Variants in ATF7IP2 observed in about 807,000 individuals in gnomAD.
The protein encoded by ATF7IP2 is activating transcription factor 7 interacting protein 2.
Under a neutral mutation model 64.2 loss-of-function variants are expected in ATF7IP2, and 42 were observed. That is an observed-to-expected ratio of 0.65 (90% CI 0.51 to 0.85). The LOEUF is 0.85. ATF7IP2 is among the 40% of genes least tolerant of loss of function. The pLI is 0.00. For missense variants in ATF7IP2, 933 were observed against 784.2 expected (o/e 1.19, Z -2.27); for synonymous variants, 308 against 272.8 (o/e 1.13, Z -1.27).
chr16:10,458,788 C>A (rs2049268665), intron 9 of ATF7IP2, among the ~76,000 whole-genome samples: 1 of 152,130 alleles, frequency 6.6e-6, no homozygotes, highest in Non-Finnish European at 1.5e-5. Context: ...TGCTTTAAAC[C>A]ACAAAATAGA....
chr16:10,426,641 T>C (rs189616161), intron 3 of ATF7IP2, among the ~76,000 whole-genome samples: 4 of 152,214 alleles, frequency 2.6e-5, no homozygotes, highest in Non-Finnish European at 5.9e-5. Flanking sequence ...CTTACATCAG[T>C]GAAAGGCTTC....
intron 8 of ATF7IP2, among the ~76,000 whole-genome samples, chr16:10,443,505 A>G (rs73497859): frequency 0.014 from 2,154 of 152,356 alleles, 49 homozygotes; most frequent in African/African-American, 0.049. Flanking sequence ...AAGCGTAACA[A>G]CTGCTTTTGT....
chr16:10,398,026 TG>T (rs1186817402), intron 1 of ATF7IP2, among the ~76,000 whole-genome samples: 1 of 151,974 alleles, frequency 6.6e-6, no homozygotes, highest in African/African-American at 2.4e-5. Context: ...AAGATAAGAC[TG>T]GGCATGGTGG....
At chr16:10,438,356 C>T (rs1173119446) in intron 7 of ATF7IP2, 121 bp downstream of exon 7, 2 of 960,988 alleles carry the variant, frequency 2.1e-6, no homozygotes, top group East Asian at 5.9e-5. Context: ...GCAATCCTAC[C>T]ACCTCAGTCT....
chr16:10,447,548 G>A (rs1280047586), intron 8 of ATF7IP2: 1 of 152,146 alleles, frequency 6.6e-6, no homozygotes, highest in African/African-American at 2.4e-5. Flanking sequence ...ACAATCACAA[G>A]AGCACACCGA....
At chr16:10,389,198 T>C (rs56992806) in intron 1 of ATF7IP2, among the ~76,000 whole-genome samples, 2,825 of 152,240 alleles carry the variant, frequency 0.019, 78 homozygotes, top group African/African-American at 0.064. Flanking sequence ...GTTCAGTTGA[T>C]ATCTCCAGGA....
In ATF7IP2 at chr16:10,473,526, G is replaced by A. The variant is rs2049885107; in HGVS notation, c.1474G>A (p.Glu492Lys). 1.3e-6 allele frequency: 2 copies of A among 1,564,208 alleles called. No individual in the cohort carries two copies. Among genetic ancestry groups the A allele is most frequent in the South Asian group, 2.3e-5 (2 of 87,592 alleles). Reference protein sequence around the residue: ...SGNSSNSPNAEVMAVQKKLDS... With the variant: ...SGNSSNSPNAKVMAVQKKLDS... ...AAATTCTAGCAATTCTCCCAATGCT[G>A]AAGTTATGGTGAGTAATAAATATTG... Residue 492 changes from glutamate to lysine, a missense_variant, in exon 11 of 14, where the codon GAA becomes AAA. Coordinates refer to ENST00000562102, the MANE Select transcript of ATF7IP2 (RefSeq NM_001393719.1).
At chr16:10,429,455 A>T (rs1488133015) in intron 4 of ATF7IP2, among the ~76,000 whole-genome samples, 1 of 152,168 alleles carries the variant, frequency 6.6e-6, no homozygotes, top group Non-Finnish European at 1.5e-5. Context: ...AGTTCAAGTG[A>T]TTCGCTTGCC....
At chr16:10,397,600 G>T (rs2047444256) in intron 1 of ATF7IP2, among the ~76,000 whole-genome samples, 1 of 152,124 alleles carries the variant, frequency 6.6e-6, no homozygotes, top group South Asian at 2.1e-4. Flanking sequence ...AAATGGGCTG[G>T]GCGTGGTGGC....
intron 6 of ATF7IP2, among the ~76,000 whole-genome samples, chr16:10,436,903 C>CA (rs60707024): frequency 0.049 from 7,086 of 144,270 alleles, 542 homozygotes; most frequent in African/African-American, 0.17. Flanking sequence ...AGTCTGTTTT[C>CA]AAAAAAAAAA....
At chr16:10,398,837 G>A (rs2047471624) in intron 1 of ATF7IP2, among the ~76,000 whole-genome samples, 2 of 152,206 alleles carry the variant, frequency 1.3e-5, no homozygotes, top group Admixed American at 1.3e-4. Context: ...GATCTGGCCA[G>A]ATGTGGTGGC....
intron 1 of ATF7IP2, among the ~76,000 whole-genome samples, chr16:10,408,461 C>T (rs1246208446): frequency 1.3e-5 from 2 of 152,148 alleles, no homozygotes; most frequent in African/African-American, 2.4e-5. Context: ...CCACCAGCAG[C>T]ATAGAAGTGT....
chr16:10,429,924 C>T (rs1481234113), intron 4 of ATF7IP2, among the ~76,000 whole-genome samples: 1 of 151,238 alleles, frequency 6.6e-6, no homozygotes, highest in Non-Finnish European at 1.5e-5. Context: ...GCGATGTTGG[C>T]TCACTGCAAC....
chr16:10,450,297 T>A (rs571121781), intron 8 of ATF7IP2, among the ~76,000 whole-genome samples: 13 of 152,300 alleles, frequency 8.5e-5, no homozygotes, highest in African/African-American at 3.1e-4. Flanking sequence ...TTCTATTGAT[T>A]TGGGGTGGAG....
intron 1 of ATF7IP2, among the ~76,000 whole-genome samples, chr16:10,393,613 G>T (rs944357706): frequency 1.3e-5 from 2 of 152,142 alleles, no homozygotes; most frequent in African/African-American, 4.8e-5. Context: ...ACATGTTTAA[G>T]GTAGGCTTAG....
intron 2 of ATF7IP2, among the ~76,000 whole-genome samples, chr16:10,419,315 C>G (rs2047943208): frequency 6.6e-6 from 1 of 152,102 alleles, no homozygotes; most frequent in Admixed American, 6.6e-5. Flanking sequence ...AGAAATATTC[C>G]TAACAGTTCC....
intron 6 of ATF7IP2, among the ~76,000 whole-genome samples, chr16:10,435,108 C>T (rs1201362177): frequency 1.3e-5 from 2 of 152,190 alleles, no homozygotes; most frequent in Admixed American, 6.5e-5. Context: ...CTCTAAATAG[C>T]TAGCTTTTCC....
Position 10,482,365 on chromosome 16 carries a change from G to A in ATF7IP2, c.*116G>A. 6.8e-6 allele frequency: 5 copies of A among 732,774 alleles called. No homozygotes were observed. Among genetic ancestry groups the A allele is most frequent in the Non-Finnish European group, 1.1e-5 (5 of 454,712 alleles). 45.4% of individuals were successfully genotyped at this position (732,774 alleles called of 1,614,324 possible). A position where few individuals can be genotyped will look rare whatever the true frequency, so the allele number is the denominator to read the frequency against. On this transcript the variant is annotated 3_prime_UTR_variant, in exon 14 of 14. Coordinates refer to ENST00000562102, the MANE Select transcript of ATF7IP2 (RefSeq NM_001393719.1). ...CTCAGATTGTGAGCCCTTTCTATTGGGACAGTCCTCTTCTATATGTTTTAA... is the reference window on the plus strand; with the variant it reads ...CTCAGATTGTGAGCCCTTTCTATTGAGACAGTCCTCTTCTATATGTTTTAA...
In ATF7IP2 at chr16:10,431,360, A is replaced by G. The variant is rs770087102; in HGVS notation, c.740A>G (p.Asp247Gly). 2.7e-5 allele frequency: 44 copies of G among 1,614,080 alleles called. No individual in the cohort carries two copies. Among genetic ancestry groups the G allele is most frequent in the Non-Finnish European group, 3.6e-5 (42 of 1,180,020 alleles). Residue 247 changes from aspartate (D) to glycine (G), a missense_variant, in exon 5 of 14, where the codon GAC becomes GGC. Physicochemically the swap from Asp to Gly is moderately conservative, Grantham distance 94. Transcript: ENST00000562102. ...GTCACTTCTAACAACTGTGCTGATG[A>G]CATTTTGAAAACTGATGAGTGTAGT... is the stretch of plus-strand genomic sequence containing the variant. ...NSVTSNNCADDILKTDECSRT... is the reference protein window; with the variant it reads ...NSVTSNNCADGILKTDECSRT...
Sources: gnomAD v4.1 joint callset for allele counts (sites outside exome capture counted in the v4.1 genomes callset) on GRCh38, gnomAD v4.1.1 for gene constraint, MANE v1.5 for transcripts, NCBI Gene and HGNC (gene_info 2026-07-23, HGNC 2026-07-21) for gene names.